Variants in MRPS27 observed in about 807,000 individuals in gnomAD.
MRPS27 encodes small ribosomal subunit protein mS27.
In MRPS27, 43 loss-of-function variants were observed where a neutral mutation model predicts 48.9. The observed-to-expected ratio is 0.88, with a 90% confidence interval of 0.69 to 1.13. The LOEUF is 1.13. MRPS27 is among the 50% of genes most tolerant of loss of function. The probability of loss-of-function intolerance (pLI) is 0.00; values close to 1 mark genes in which losing one functional copy is unlikely to be tolerated. For missense variants in MRPS27, 467 were observed against 476.3 expected, an observed-to-expected ratio of 0.98 and a Z score of 0.18; for synonymous variants, 188 against 171.9, an observed-to-expected ratio of 1.09 and a Z score of -0.73.
Position 72,219,770 on chromosome 5 carries a change from G to C in MRPS27, c.*1139C>G, listed in dbSNP as rs1489070220. On this transcript the variant is annotated 3_prime_UTR_variant, in exon 11 of 11. Coordinates refer to ENST00000261413, the MANE Select transcript of MRPS27 (RefSeq NM_015084.3). ...TCTAACTTCTTTAACAGAAATGTGT[G>C]TTCACAAGTTGTGTGTGCATGCACA... The C allele has an allele frequency of 6.6e-6, 1 of 152,102 alleles. No individual in the cohort carries two copies. Among genetic ancestry groups the C allele is most frequent in the Non-Finnish European group, 1.5e-5 (1 of 68,040 alleles). 9.4% of individuals were successfully genotyped at this position (152,102 alleles called of 1,614,324 possible).
At position 72,306,173 on chromosome 5, in the gene MRPS27, G is replaced by A. The variant is rs143602563; in HGVS notation, c.151+7908C>T. 4.4e-3 allele frequency among the ~76,000 whole-genome samples: 667 copies of A among 152,098 alleles called. 1 individual carries two copies. Among genetic ancestry groups the A allele is most frequent in the African/African-American group, 0.015 (632 of 41,490 alleles). ...CTAACTCATATACAAACTATTTCAG[G>A]GTAAGTAAACTGTTGATGAATGGAA... On this transcript the variant is annotated intron_variant, in intron 2 of 10. Transcript: ENST00000261413.
chr5:72,294,071 T>C (rs777715793), intron 4 of MRPS27, among the ~76,000 whole-genome samples: 20 of 152,288 alleles, frequency 1.3e-4, no homozygotes, highest in South Asian at 6.2e-4. Context: ...ACTTAGGACA[T>C]TGTTAAAGCC....
At chr5:72,307,464 AC>A (rs1750303754) in intron 2 of MRPS27, among the ~76,000 whole-genome samples, 1 of 152,198 alleles carries the variant, frequency 6.6e-6, no homozygotes, top group African/African-American at 2.4e-5. Flanking sequence ...ATTGAAAAGC[AC>A]CCTTGTCTTT....
At chr5:72,282,807 T>C (rs1287485790) in intron 4 of MRPS27, among the ~76,000 whole-genome samples, 1 of 152,196 alleles carries the variant, frequency 6.6e-6, no homozygotes, top group Non-Finnish European at 1.5e-5. Flanking sequence ...TTACTAAATA[T>C]ATTCACAAAC....
intron 4 of MRPS27, among the ~76,000 whole-genome samples, chr5:72,284,510 G>A (rs1287138488): frequency 6.6e-6 from 1 of 151,656 alleles, no homozygotes; most frequent in Non-Finnish European, 1.5e-5. Context: ...AGGGGGGAGG[G>A]AAGGGAAGGG....
chr5:72,257,839 C>T (rs997578691), intron 4 of MRPS27, among the ~76,000 whole-genome samples: 1 of 152,038 alleles, frequency 6.6e-6, no homozygotes, highest in African/African-American at 2.4e-5. Flanking sequence ...AATCCCAGCA[C>T]TTTGGGAGGC....
At chr5:72,256,782 C>T (rs1365752265) in intron 4 of MRPS27, among the ~76,000 whole-genome samples, 1 of 152,182 alleles carries the variant, frequency 6.6e-6, no homozygotes, top group African/African-American at 2.4e-5. Context: ...TTTCTCAGAG[C>T]CTCTATGCTG....
chr5:72,270,459 C>A (rs1230724631), intron 4 of MRPS27, among the ~76,000 whole-genome samples: 4 of 151,520 alleles, frequency 2.6e-5, no homozygotes, highest in Admixed American at 2.6e-4. Flanking sequence ...AAAGAACATG[C>A]CAACCTCAGT....
chr5:72,248,006 A>G (rs1748551535), intron 4 of MRPS27, among the ~76,000 whole-genome samples: 1 of 152,218 alleles, frequency 6.6e-6, no homozygotes, highest in Non-Finnish European at 1.5e-5. Context: ...TTACTTTACC[A>G]CTCACCAAAC....
intron 4 of MRPS27, among the ~76,000 whole-genome samples, chr5:72,254,383 TA>T (rs1183018526): frequency 2.0e-5 from 3 of 151,894 alleles, no homozygotes; most frequent in African/African-American, 7.3e-5. Flanking sequence ...ACACATATAT[TA>T]ATATGTATAG....
At chr5:72,254,129 CTCTGATGATT>C (rs1748734342) in intron 4 of MRPS27, among the ~76,000 whole-genome samples, 1 of 152,182 alleles carries the variant, frequency 6.6e-6, no homozygotes, top group Non-Finnish European at 1.5e-5. Flanking sequence ...ATCTTCTTTG[CTCTGATGATT>C]TTTCAAAAAG....
chr5:72,301,936 A>T (rs1750135929), intron 2 of MRPS27, among the ~76,000 whole-genome samples: 1 of 152,118 alleles, frequency 6.6e-6, no homozygotes, highest in African/African-American at 2.4e-5. Context: ...ATCCCACCTC[A>T]TGTTTCAGTG....
At chr5:72,222,696 G>A (rs1009474153) in intron 10 of MRPS27, among the ~76,000 whole-genome samples, 4 of 152,132 alleles carry the variant, frequency 2.6e-5, no homozygotes, top group Non-Finnish European at 5.9e-5. Flanking sequence ...GAAGGGGCAG[G>A]CATGCAAATT....
At chr5:72,241,829 C>G (rs1748359127) in intron 4 of MRPS27, 1 of 718,540 alleles carries the variant, frequency 1.4e-6, no homozygotes, top group Non-Finnish European at 2.3e-6. Flanking sequence ...GGAGTCCCCT[C>G]TGTGCGCCTA....
chr5:72,290,708 T>G (rs1442804178), intron 4 of MRPS27, among the ~76,000 whole-genome samples: 4 of 152,200 alleles, frequency 2.6e-5, no homozygotes, highest in Non-Finnish European at 4.4e-5. Context: ...AGAGGGCGTG[T>G]GGATAGGAAG....
rs1171941877 is a variant in MRPS27, at chr5:72,270,231, ATAATAT to A, written c.281+25294_281+25299del. 2.9e-4 allele frequency among the ~76,000 whole-genome samples: 39 copies of A among 132,262 alleles called. No homozygotes were observed. The South Asian group carries it at 6.7e-3, about 23-fold the overall frequency. 86.8% of individuals were successfully genotyped at this position (132,262 alleles called of 152,430 possible). On this transcript the variant is annotated intron_variant, in intron 4 of 10. Transcript: ENST00000261413. ...AATAATAATAATAATAATAATAATA[ATAATAT>A]TAAAATGCCTACATAGCAAAAACTA...
chr5:72,248,411 T>C (rs551978716), intron 4 of MRPS27, among the ~76,000 whole-genome samples: 1 of 152,224 alleles, frequency 6.6e-6, no homozygotes, highest in Admixed American at 6.5e-5. Context: ...AAATCTTGCA[T>C]AAAAAAGCCA....
At position 72,300,203 on chromosome 5, in the gene MRPS27, T is replaced by C. The variant is rs763220973; in HGVS notation, c.152-2501A>G. ...ATCTTACTTGACTTCTATCATTTGA[T>C]ACAGTTGACCATTCTATCCTTCACA... On this transcript the variant is annotated intron_variant, in intron 2 of 10. Transcript: ENST00000261413. Among the ~76,000 whole-genome samples the C allele has an allele frequency of 5.3e-5, 8 of 152,376 alleles. No individual in the cohort carries two copies. In the East Asian group the frequency reaches 1.3e-3, roughly 26 times the overall value.
At chr5:72,280,406 A>T (rs1161978750) in intron 4 of MRPS27, among the ~76,000 whole-genome samples, 2 of 152,014 alleles carry the variant, frequency 1.3e-5, no homozygotes, top group Non-Finnish European at 2.9e-5. Context: ...CTTTATAAGT[A>T]TTTTTTTTAA....
Sources: gnomAD v4.1 joint callset for allele counts (sites outside exome capture counted in the v4.1 genomes callset) on GRCh38, gnomAD v4.1.1 for gene constraint, MANE v1.5 for transcripts, NCBI Gene and HGNC (gene_info 2026-07-23, HGNC 2026-07-21) for gene names.